Variants in DPP10 observed in about 807,000 individuals in gnomAD.
DPP10 encodes the protein inactive dipeptidyl peptidase 10.
In DPP10, 33 loss-of-function variants were observed where a neutral mutation model predicts 120.9. The observed-to-expected ratio is 0.27, with a 90% CI of 0.21 to 0.37. The LOEUF is 0.37. Ranked by LOEUF, DPP10 falls within the 10% of genes least tolerant of loss-of-function variation. The pLI is 1.00. For missense variants in DPP10, 816 were observed against 942.8 expected (o/e 0.87, Z 1.76); for synonymous variants, 337 against 326.1 (o/e 1.03, Z -0.36).
chr2:115,815,958 GTAT>G (rs1028265965), intron 21 of DPP10, among the ~76,000 whole-genome samples: 134 of 151,330 alleles, frequency 8.9e-4, no homozygotes, highest in African/African-American at 3.0e-3. Flanking sequence ...ATACATATAT[GTAT>G]TATTTGTATG....
intron 1 of DPP10, among the ~76,000 whole-genome samples, chr2:115,120,267 G>A (rs1465575691): frequency 2.0e-5 from 3 of 152,194 alleles, no homozygotes; most frequent in Non-Finnish European, 4.4e-5. Flanking sequence ...GAGAAGGGGG[G>A]TTAATTGGAT....
At chr2:115,672,642 TTCTCTCTC>T (rs1239371566) in intron 5 of DPP10, among the ~76,000 whole-genome samples, 1 of 142,540 alleles carries the variant, frequency 7.0e-6, no homozygotes, top group Non-Finnish European at 1.5e-5. Context: ...CTTTCTTTCT[TTCTCTCTC>T]TCTTTCTTTC....
chr2:115,500,824 G>A (rs1034870679), intron 4 of DPP10, among the ~76,000 whole-genome samples: 6 of 151,978 alleles, frequency 3.9e-5, no homozygotes, highest in East Asian at 1.9e-4. Flanking sequence ...TAACCCTTAC[G>A]GAGAATTTTA....
chr2:114,911,221 TA>T (rs1231914251), intron 1 of DPP10, among the ~76,000 whole-genome samples: 1 of 152,210 alleles, frequency 6.6e-6, no homozygotes, highest in Non-Finnish European at 1.5e-5. Flanking sequence ...ATTTGTCTTT[TA>T]TAAGTGTCTT....
intron 1 of DPP10, among the ~76,000 whole-genome samples, chr2:114,982,359 C>A (rs1057332166): frequency 1.3e-5 from 2 of 151,958 alleles, no homozygotes; most frequent in African/African-American, 4.8e-5. Flanking sequence ...TTCTTCAACT[C>A]TTCTTTTCCA....
chr2:115,816,062 C>A (rs1031056401), intron 21 of DPP10, among the ~76,000 whole-genome samples: 1 of 151,920 alleles, frequency 6.6e-6, no homozygotes, highest in Admixed American at 6.6e-5. Flanking sequence ...TACAGTCAGT[C>A]ATTTATTAAT....
At chr2:115,100,454 TAAAA>T (rs199935117) in intron 1 of DPP10, among the ~76,000 whole-genome samples, 1 of 134,066 alleles carries the variant, frequency 7.5e-6, no homozygotes, top group African/African-American at 2.9e-5. Context: ...ACGTCTAAAT[TAAAA>T]AACACACACA....
chr2:114,817,868 A>G (rs1275465861), intron 1 of DPP10, among the ~76,000 whole-genome samples: 2 of 152,222 alleles, frequency 1.3e-5, no homozygotes, highest in Non-Finnish European at 2.9e-5. Context: ...GGGATTAAAA[A>G]AGCTTTTAGA....
intron 9 of DPP10, among the ~76,000 whole-genome samples, chr2:115,744,791 A>C (rs1559102012): frequency 6.6e-6 from 1 of 150,462 alleles, no homozygotes; most frequent in Non-Finnish European, 1.5e-5. Flanking sequence ...TTCCTTAAAC[A>C]TGGATCTTCG....
At chr2:114,726,628 A>G (rs1469310893) in intron 1 of DPP10, among the ~76,000 whole-genome samples, 2 of 152,128 alleles carry the variant, frequency 1.3e-5, no homozygotes, top group Non-Finnish European at 2.9e-5. Context: ...ATGATCTTTT[A>G]TTTCAATTAT....
intron 1 of DPP10, among the ~76,000 whole-genome samples, chr2:114,655,067 T>C (rs186028850): frequency 9.2e-5 from 14 of 152,280 alleles, no homozygotes; most frequent in African/African-American, 3.4e-4. Flanking sequence ...ATACACAAAA[T>C]GGGAACAATT....
intron 1 of DPP10, among the ~76,000 whole-genome samples, chr2:114,611,062 C>T (rs1016299708): frequency 6.6e-6 from 1 of 152,100 alleles, no homozygotes; most frequent in African/African-American, 2.4e-5. Context: ...TCCCAGCACT[C>T]GCTACCTACA....
At chr2:115,135,173 A>C (rs1010325268) in intron 1 of DPP10, among the ~76,000 whole-genome samples, 1 of 151,874 alleles carries the variant, frequency 6.6e-6, no homozygotes, top group African/African-American at 2.4e-5. Flanking sequence ...GTACGTAAAA[A>C]CAGCATATTG....
intron 1 of DPP10, among the ~76,000 whole-genome samples, chr2:115,211,798 G>A (rs1357913812): frequency 1.3e-5 from 2 of 152,154 alleles, no homozygotes; most frequent in East Asian, 1.9e-4. Flanking sequence ...TAAATACAAT[G>A]GTAGATAAAC....
intron 1 of DPP10, among the ~76,000 whole-genome samples, chr2:115,136,416 A>G (rs1183651713): frequency 6.6e-6 from 1 of 152,236 alleles, no homozygotes; most frequent in Non-Finnish European, 1.5e-5. Context: ...TTATTCTCAT[A>G]GTATTTACAG....
intron 1 of DPP10, among the ~76,000 whole-genome samples, chr2:114,450,625 T>C (rs1007218764): frequency 3.9e-5 from 6 of 152,106 alleles, no homozygotes; most frequent in Non-Finnish European, 5.9e-5. Context: ...CTAAACCTGT[T>C]ACTTTGAAAT....
At chr2:114,786,180 C>T (rs959603692) in intron 1 of DPP10, among the ~76,000 whole-genome samples, 1 of 152,188 alleles carries the variant, frequency 6.6e-6, no homozygotes, top group Non-Finnish European at 1.5e-5. Context: ...AAGAAATCAA[C>T]TGATTAAGCT....
At chr2:114,933,894 A>G (rs1696264906) in intron 1 of DPP10, among the ~76,000 whole-genome samples, 1 of 152,178 alleles carries the variant, frequency 6.6e-6, no homozygotes, top group Admixed American at 6.5e-5. Context: ...ACATTGAGAC[A>G]TTGCTGAACA....
rs530098738 is a variant in DPP10 at position 114,861,076 on chromosome 2, T to A, written c.60+418238T>A. Reference sequence around the variant, plus strand: ...TTTACAACATAAACCCTCTTTCTTATGAATACGCTATTTGTGTGTAGATAC... The same window carrying A: ...TTTACAACATAAACCCTCTTTCTTAAGAATACGCTATTTGTGTGTAGATAC... On this transcript the variant is annotated intron_variant, in intron 1 of 25. Coordinates refer to ENST00000410059, the MANE Select transcript of DPP10 (RefSeq NM_020868.6). 4.6e-5 allele frequency among the ~76,000 whole-genome samples: 7 copies of A among 152,346 alleles called. No homozygotes were observed. The East Asian group carries it at 1.3e-3, about 29-fold the overall frequency.
Sources: gnomAD v4.1 joint callset for allele counts (sites outside exome capture counted in the v4.1 genomes callset) on GRCh38, gnomAD v4.1.1 for gene constraint, MANE v1.5 for transcripts, NCBI Gene and HGNC (gene_info 2026-07-23, HGNC 2026-07-21) for gene names.